Variants in SPC25 observed in about 807,000 individuals in gnomAD.
SPC25 encodes the protein SPC25 component of NDC80 kinetochore complex.
SPC25 carries 22 observed loss-of-function variants against 29.6 expected under a neutral mutation model. The ratio of observed to expected loss-of-function variants is 0.74; its 90% confidence interval spans 0.53 to 1.06. The LOEUF (loss-of-function observed/expected upper bound fraction) is 1.06, where lower values mean the gene tolerates loss of function less well. Ranked by LOEUF, SPC25 falls within the 50% of genes least tolerant of loss-of-function variation. SPC25 has a pLI of 0.00. For missense variants in SPC25, 230 were observed against 255.8 expected (o/e 0.90, Z 0.69); for synonymous variants, 91 against 90.4 (o/e 1.01, Z -0.04).
chr2:168,889,074 TATATATACATATATATACAC>T (rs1690344020), intron 3 of SPC25, 132 bp downstream of exon 3: 8 of 177,886 alleles, frequency 4.5e-5, no homozygotes, highest in South Asian at 1.9e-4. Flanking sequence ...TATATACACA[TATATATACATATATATACAC>T]ATATATATAT....
chr2:168,873,039 A>G (rs1690021568), intron 6 of SPC25, among the ~76,000 whole-genome samples: 1 of 152,248 alleles, frequency 6.6e-6, no homozygotes. Flanking sequence ...CTTCTTGTTC[A>G]CATTATTATC....
At chr2:168,862,754 A>ACCTT (rs2105800618) in intron 4 of SPC25, among the ~76,000 whole-genome samples, 1 of 123,160 alleles carries the variant, frequency 8.1e-6, no homozygotes, top group African/African-American at 2.5e-5. Flanking sequence ...TCCAGCCTCA[A>ACCTT]CCTTCTTTAT....
intron 3 of SPC25, among the ~76,000 whole-genome samples, chr2:168,880,161 A>G (rs1288896732): frequency 3.3e-5 from 5 of 152,184 alleles, no homozygotes; most frequent in Non-Finnish European, 7.3e-5. Flanking sequence ...TGAAGCTTCA[A>G]AGCAGGCCTT....
intron 5 of SPC25, among the ~76,000 whole-genome samples, chr2:168,874,455 T>C (rs1366847149): frequency 1.3e-5 from 2 of 152,160 alleles, no homozygotes; most frequent in African/African-American, 4.8e-5. Flanking sequence ...TTATTCATAG[T>C]AGCCAAAAAG....
chr2:168,870,446 G>T (rs1284007551), downstream of SPC25, among the ~76,000 whole-genome samples: 1 of 150,582 alleles, frequency 6.6e-6, no homozygotes, highest in African/African-American at 2.4e-5. Flanking sequence ...GAAAATTTTT[G>T]CAACCTACTC....
chr2:168,863,654 A>G, intron 4 of SPC25: 2 of 913,806 alleles, frequency 2.2e-6, no homozygotes, highest in African/African-American at 3.2e-5. Context: ...GGGGAGTTAC[A>G]TTTCTGTGCA....
intron 4 of SPC25, among the ~76,000 whole-genome samples, chr2:168,864,565 G>A (rs148372424): frequency 2.0e-3 from 311 of 152,284 alleles, no homozygotes; most frequent in African/African-American, 6.5e-3. Context: ...GATTACAGGC[G>A]TCACCCACCA....
intron 4 of SPC25, among the ~76,000 whole-genome samples, chr2:168,876,793 G>C (rs746902728): frequency 3.3e-5 from 5 of 151,874 alleles, no homozygotes; most frequent in South Asian, 2.1e-4. Context: ...AGCAAACAAG[G>C]CTCCTTTCTA....
At chr2:168,863,043 C>T (rs1689569874) in intron 4 of SPC25, among the ~76,000 whole-genome samples, 1 of 151,880 alleles carries the variant, frequency 6.6e-6, no homozygotes, top group African/African-American at 2.4e-5. Flanking sequence ...GACATACTTC[C>T]CAGATGCCAC....
Position 168,889,271 on chromosome 2 carries a change from T to G in SPC25, c.154A>C (p.Lys52Gln), listed in dbSNP as rs777148508. 7 of 1,613,750 alleles carry G rather than the reference T, an allele frequency of 4.3e-6. No individual in the cohort carries two copies. The highest frequency in any genetic ancestry group is 5.9e-6 in the Non-Finnish European group (7 of 1,179,978). The change falls in exon 3 of 7, where the codon AAG becomes CAG. Residue 52 changes from lysine to glutamine, a missense_variant. Transcript: ENST00000282074. ...AFAEKLSVKL[K>Q]EEERMVEMFL... ...ATCTCAACCATTCGTTCTTCTTCCT[T>G]TAATTTCACAGACAGCTTTTCTGAA...
chr2:168,862,665 A>G (rs1485199452), intron 4 of SPC25, among the ~76,000 whole-genome samples: 1 of 152,212 alleles, frequency 6.6e-6, no homozygotes, highest in African/African-American at 2.4e-5. Flanking sequence ...TCTTTGTGTC[A>G]CAGAGTTTTA....
intron 5 of SPC25, among the ~76,000 whole-genome samples, chr2:168,875,546 C>T (rs1284615820): frequency 6.6e-6 from 1 of 152,120 alleles, no homozygotes; most frequent in African/African-American, 2.4e-5. Context: ...CTCTCCCTCT[C>T]ACAATATCTT....
Position 168,877,313 on chromosome 2 carries a change from C to G in SPC25, c.271G>C (p.Gly91Arg), listed in dbSNP as rs540046254. The change falls in exon 4 of 7, where the codon GGC becomes CGC. Residue 91 changes from glycine (G) to arginine (R), a missense_variant. By Grantham distance (125) the Gly-to-Arg change is moderately radical. Transcript: ENST00000282074. The stretch of plus-strand genomic sequence containing the variant: ...AGTACTTCCAATTCCTGCTTTTTGC[C>G]TTTTACTTCAGCAATCAATTTTAAC... ...NLLKLIAEVK[G>R]KKQELEVLTA... is the part of the protein sequence containing the mutation. 1 of 1,613,660 alleles carries G rather than the reference C, an allele frequency of 6.2e-7. No individual in the cohort carries two copies. Among genetic ancestry groups the G allele is most frequent in the South Asian group, 1.1e-5 (1 of 91,058 alleles).
At chr2:168,888,967 A>G (rs59025301) in intron 3 of SPC25, among the ~76,000 whole-genome samples, 2 of 88,192 alleles carry the variant, frequency 2.3e-5, no homozygotes, top group East Asian at 7.8e-4. Context: ...GTATATATAT[A>G]TATATACACA....
At chr2:168,865,382 G>GAGCCT (rs1353966064) in intron 4 of SPC25, 1 of 160,028 alleles carries the variant, frequency 6.2e-6, no homozygotes, top group African/African-American at 2.4e-5. Context: ...GGCCTATGAG[G>GAGCCT]GGGTCAAGCA....
intron 3 of SPC25, among the ~76,000 whole-genome samples, chr2:168,888,729 G>A (rs533062664): frequency 1.3e-5 from 2 of 150,908 alleles, no homozygotes; most frequent in South Asian, 4.2e-4. Context: ...GTGTTAATGT[G>A]TATGTATTTG....
At chr2:168,864,832 A>G in intron 4 of SPC25, 4 of 1,613,728 alleles carry the variant, frequency 2.5e-6, no homozygotes, top group Non-Finnish European at 3.4e-6. Flanking sequence ...GTATTTTCAC[A>G]GGTGACATTG....
chr2:168,869,483 T>A (rs1409025425), downstream of SPC25, among the ~76,000 whole-genome samples: 7 of 152,222 alleles, frequency 4.6e-5, no homozygotes, highest in Non-Finnish European at 8.8e-5. Flanking sequence ...AAAATCTCCT[T>A]AAGCTGATAA....
chr2:168,863,588 A>C, intron 4 of SPC25: 2 of 985,204 alleles, frequency 2.0e-6, no homozygotes, highest in Non-Finnish European at 2.4e-6. Flanking sequence ...ATTGTCTCCA[A>C]ATTGATGTTG....
Sources: allele counts gnomAD v4.1 joint callset (sites outside exome capture counted in the v4.1 genomes callset), GRCh38; gene constraint gnomAD v4.1.1; transcripts MANE v1.5; gene names NCBI Gene and HGNC (gene_info 2026-07-23, HGNC 2026-07-21).